The following XKR4 variants were observed in gnomAD, a reference collection of about 807,000 sequenced individuals.
XKR4 encodes XK related 4.
In XKR4, 12 loss-of-function variants were observed where a neutral mutation model predicts 53.9. That is an observed-to-expected ratio of 0.22 (90% confidence interval 0.14 to 0.36). XKR4 has a LOEUF of 0.36. XKR4 is among the 10% of genes least tolerant of loss of function. The pLI is 1.00. For missense variants in XKR4, 799 were observed against 859.5 expected (o/e 0.93, Z 0.88); for synonymous variants, 354 against 362.4 (o/e 0.98, Z 0.26).
At chr8:55,359,987 C>T (rs754936355) in intron 2 of XKR4, among the ~76,000 whole-genome samples, 2 of 152,154 alleles carry the variant, frequency 1.3e-5, no homozygotes, top group African/African-American at 2.4e-5. Flanking sequence ...TGCCAGACCT[C>T]GTCCTTAGCC....
chr8:55,410,586 A>G (rs1804761899), intron 2 of XKR4, among the ~76,000 whole-genome samples: 1 of 152,062 alleles, frequency 6.6e-6, no homozygotes, highest in South Asian at 2.1e-4. Flanking sequence ...ATCCCCCTGT[A>G]CATGCACACT....
At chr8:55,428,975 C>G (rs987282166) in intron 2 of XKR4, among the ~76,000 whole-genome samples, 1 of 152,160 alleles carries the variant, frequency 6.6e-6, no homozygotes, top group Admixed American at 6.5e-5. Context: ...TCAAACAATT[C>G]TGGATGAAAA....
At chr8:55,275,262 T>G (rs937450394) in intron 1 of XKR4, among the ~76,000 whole-genome samples, 1 of 152,184 alleles carries the variant, frequency 6.6e-6, no homozygotes, top group African/African-American at 2.4e-5. Flanking sequence ...TATAATATTC[T>G]TATAAGTCTA....
At chr8:55,405,616 C>T (rs927500789) in intron 2 of XKR4, among the ~76,000 whole-genome samples, 2 of 152,182 alleles carry the variant, frequency 1.3e-5, no homozygotes, top group Non-Finnish European at 2.9e-5. Flanking sequence ...GAGGAATCCG[C>T]AGATTCCATT....
rs1554560069 is a variant in XKR4 at position 55,112,562 on chromosome 8, G to GGTT, written c.806+9268_806+9269insGTT. ...TGGGGCTGAATTCTTTACTTTTCAG[G>GGTT]TTTTTTTTTTTTTTTTTTTTTTTTT... On this transcript the variant is annotated intron_variant, in intron 1 of 2. Coordinates refer to ENST00000327381, the MANE Select transcript of XKR4 (RefSeq NM_052898.2). Among the ~76,000 whole-genome samples the GGTT allele has an allele frequency of 1.0e-4, 8 of 77,216 alleles. No individual in the cohort carries two copies. The East Asian group carries it at 3.8e-3, about 37-fold the overall frequency. 50.7% of individuals were successfully genotyped at this position (77,216 alleles called of 152,430 possible).
At chr8:55,440,033 C>T (rs1390172784) in intron 2 of XKR4, among the ~76,000 whole-genome samples, 1 of 152,156 alleles carries the variant, frequency 6.6e-6, no homozygotes, top group African/African-American at 2.4e-5. Flanking sequence ...TTGTTACTAA[C>T]AGCTAGGCTC....
rs143757699 is a variant in XKR4, at chr8:55,426,176, A to G, written c.1006+68299A>G. Among the ~76,000 whole-genome samples the G allele has an allele frequency of 2.6e-3, 395 of 152,354 alleles. 7 individuals are homozygous for G. Among genetic ancestry groups the G allele is most frequent in the African/African-American group, 9.3e-3 (387 of 41,582 alleles). ...ACATGGAAATGGAAGTCTATACTTG[A>G]GTTGAAAAGAATTTAACTTTTCAAA... On this transcript the variant is annotated intron_variant, in intron 2 of 2. Coordinates refer to ENST00000327381, the MANE Select transcript of XKR4 (RefSeq NM_052898.2).
At chr8:55,221,361 G>A (rs16921427) in intron 1 of XKR4, among the ~76,000 whole-genome samples, 39,376 of 152,026 alleles carry the variant, frequency 0.26, 5,385 homozygotes, top group East Asian at 0.47. Context: ...AGTCTTTGTC[G>A]CTAAGAAAGT....
At chr8:55,376,562 T>A (rs551815659) in intron 2 of XKR4, among the ~76,000 whole-genome samples, 1 of 152,220 alleles carries the variant, frequency 6.6e-6, no homozygotes, top group Non-Finnish European at 1.5e-5. Context: ...TGCCCACTTT[T>A]TAATGGGGTT....
chr8:55,348,355 C>T (rs1803678748), intron 1 of XKR4, among the ~76,000 whole-genome samples: 1 of 152,136 alleles, frequency 6.6e-6, no homozygotes, highest in Non-Finnish European at 1.5e-5. Flanking sequence ...CCCCACACAG[C>T]CTGTGAGGGA....
chr8:55,114,289 C>T (rs7829501), intron 1 of XKR4, among the ~76,000 whole-genome samples: 7,721 of 152,102 alleles, frequency 0.051, 487 homozygotes, highest in African/African-American at 0.15. Context: ...TAAGATGGTA[C>T]TCTTGTGATT....
intron 2 of XKR4, among the ~76,000 whole-genome samples, chr8:55,489,068 T>A (rs1806235669): frequency 6.6e-6 from 1 of 152,124 alleles, no homozygotes; most frequent in East Asian, 1.9e-4. Flanking sequence ...CAATGGTGGA[T>A]ACATGGCATT....
chr8:55,372,059 G>T (rs1804075701), intron 2 of XKR4, among the ~76,000 whole-genome samples: 1 of 152,222 alleles, frequency 6.6e-6, no homozygotes, highest in African/African-American at 2.4e-5. Flanking sequence ...ACAGGGAGAG[G>T]AGCGGGGTCA....
intron 1 of XKR4, among the ~76,000 whole-genome samples, chr8:55,254,250 C>T (rs1322255115): frequency 2.6e-5 from 4 of 151,862 alleles, no homozygotes; most frequent in African/African-American, 9.7e-5. Context: ...TCTTCCATTC[C>T]AAATAAGAAA....
chr8:55,400,203 G>A (rs1804578256), intron 2 of XKR4, among the ~76,000 whole-genome samples: 1 of 152,088 alleles, frequency 6.6e-6, no homozygotes, highest in African/African-American at 2.4e-5. Context: ...AAACTAACAG[G>A]GGTAGCAACA....
At chr8:55,353,691 A>G (rs768200805) in intron 1 of XKR4, among the ~76,000 whole-genome samples, 15 of 152,224 alleles carry the variant, frequency 9.9e-5, no homozygotes, top group Admixed American at 3.9e-4. Flanking sequence ...TATTTATTCA[A>G]AAATGTGCCT....
At chr8:55,128,515 T>G (rs1816507018) in intron 1 of XKR4, among the ~76,000 whole-genome samples, 1 of 152,182 alleles carries the variant, frequency 6.6e-6, no homozygotes, top group African/African-American at 2.4e-5. Context: ...CAGAGTGACT[T>G]AGTCAAGTCT....
chr8:55,296,087 G>T (rs1045983169), intron 1 of XKR4, among the ~76,000 whole-genome samples: 1 of 152,078 alleles, frequency 6.6e-6, no homozygotes, highest in African/African-American at 2.4e-5. Flanking sequence ...TGTCCTCAGG[G>T]GTCCAGGTTC....
chr8:55,234,276 C>T (rs1818089493), intron 1 of XKR4, among the ~76,000 whole-genome samples: 1 of 152,170 alleles, frequency 6.6e-6, no homozygotes, highest in Non-Finnish European at 1.5e-5. Flanking sequence ...TCCTTTTGTA[C>T]TTAAAGTAGT....
Sources: gnomAD v4.1 joint callset for allele counts (sites outside exome capture counted in the v4.1 genomes callset) on GRCh38, gnomAD v4.1.1 for gene constraint, MANE v1.5 for transcripts, NCBI Gene and HGNC (gene_info 2026-07-23, HGNC 2026-07-21) for gene names.